Variants in EPB41L4A observed in about 807,000 individuals in gnomAD.
The protein encoded by EPB41L4A is erythrocyte membrane protein band 4.1 like 4A.
In EPB41L4A, 100 loss-of-function variants were observed where a neutral mutation model predicts 108.6. The observed-to-expected ratio is 0.92, with a 90% CI of 0.78 to 1.09. EPB41L4A has a LOEUF of 1.09. Ranked by LOEUF, EPB41L4A falls within the 50% of genes least tolerant of loss-of-function variation. EPB41L4A has a pLI of 0.00. For missense variants in EPB41L4A, 1,030 were observed against 842.7 expected (o/e 1.22, Z -2.75); for synonymous variants, 319 against 289.0 (o/e 1.10, Z -1.05).
intron 2 of EPB41L4A, among the ~76,000 whole-genome samples, chr5:112,283,026 T>C (rs1328459635): frequency 2.0e-5 from 3 of 152,206 alleles, no homozygotes; most frequent in African/African-American, 7.2e-5. Context: ...CTGGTTAATC[T>C]ATCAAAAATT....
At chr5:112,317,259 C>T (rs905939781) in intron 1 of EPB41L4A, among the ~76,000 whole-genome samples, 2 of 152,136 alleles carry the variant, frequency 1.3e-5, no homozygotes, top group African/African-American at 4.8e-5. Flanking sequence ...GAAAGAATGA[C>T]AGTAAATCAT....
At chr5:112,265,114 ATG>A in intron 5 of EPB41L4A, 98 bp from the exon 6 acceptor site, 1 of 1,111,420 alleles carries the variant, frequency 9.0e-7, no homozygotes, top group East Asian at 2.6e-5. Context: ...ATTTTTTCAA[ATG>A]TCTTACTAAA....
At chr5:112,327,019 T>C (rs1756210859) in intron 1 of EPB41L4A, among the ~76,000 whole-genome samples, 1 of 152,206 alleles carries the variant, frequency 6.6e-6, no homozygotes, top group Non-Finnish European at 1.5e-5. Context: ...AGGTACTAAA[T>C]CTTACAAACC....
At chr5:112,313,210 G>C (rs553599887) in intron 1 of EPB41L4A, among the ~76,000 whole-genome samples, 2 of 152,276 alleles carry the variant, frequency 1.3e-5, no homozygotes, top group South Asian at 4.1e-4. Flanking sequence ...AGAAGCCCTA[G>C]GGCTATGAAG....
In EPB41L4A at chr5:112,337,407, T is replaced by A. The variant is rs73231348; in HGVS notation, c.100-29917A>T. Among the ~76,000 whole-genome samples the A allele has an allele frequency of 9.3e-3, 1,413 of 152,320 alleles. 26 individuals carry two copies. The highest frequency in any genetic ancestry group is 0.032 in the African/African-American group (1,337 of 41,566). ...AACCACCGTGTTAAGCACTGTTTTATCAGTAATGCTACTAATAATTGCTAA... is the reference window on the plus strand; with the variant it reads ...AACCACCGTGTTAAGCACTGTTTTAACAGTAATGCTACTAATAATTGCTAA... On this transcript the variant is annotated intron_variant, in intron 1 of 22. Coordinates refer to ENST00000261486, the MANE Select transcript of EPB41L4A (RefSeq NM_022140.5).
intron 1 of EPB41L4A, among the ~76,000 whole-genome samples, chr5:112,356,254 C>T (rs780712009): frequency 5.9e-5 from 9 of 152,124 alleles, no homozygotes; most frequent in East Asian, 5.8e-4. Context: ...CTCCCTACCA[C>T]AACAGAAAAC....
At chr5:112,229,698 C>T (rs1166870308) in intron 12 of EPB41L4A, among the ~76,000 whole-genome samples, 7 of 152,100 alleles carry the variant, frequency 4.6e-5, no homozygotes, top group Admixed American at 3.9e-4. Flanking sequence ...CTTAGAGTAA[C>T]GGTCTCCAGG....
rs895260534 is a variant in EPB41L4A, at chr5:112,266,315, C to T, written c.351G>A (p.Leu117=). ...CCTGAAGGACATCTTGCTTCACCTG[C>T]AAGAAAAACTGATATCTAAAAGAGA... ...KEEITRYQFF[L]QVKQDVLQGR... The change falls in exon 5 of 23, where the codon TTG becomes TTA. Residue 117 remains leucine, a synonymous_variant. Transcript: ENST00000261486. 1.9e-6 allele frequency: 3 copies of T among 1,601,732 alleles called. No homozygotes were observed. The highest frequency in any genetic ancestry group is 2.6e-6 in the Non-Finnish European group (3 of 1,174,204).
At chr5:112,326,827 A>T (rs1031036884) in intron 1 of EPB41L4A, among the ~76,000 whole-genome samples, 2 of 152,186 alleles carry the variant, frequency 1.3e-5, no homozygotes, top group Non-Finnish European at 2.9e-5. Context: ...TAACTTCTAC[A>T]TTCAATCAAA....
chr5:112,292,144 A>G (rs1360107678), intron 2 of EPB41L4A, among the ~76,000 whole-genome samples: 1 of 152,208 alleles, frequency 6.6e-6, no homozygotes, highest in Non-Finnish European at 1.5e-5. Flanking sequence ...CCTTGAGACC[A>G]GAGACCTTGG....
chr5:112,183,091 A>G (rs571713766), intron 18 of EPB41L4A, among the ~76,000 whole-genome samples: 2 of 152,248 alleles, frequency 1.3e-5, no homozygotes, highest in East Asian at 3.9e-4. Flanking sequence ...CACAGTAAAA[A>G]GAGTCCTGGT....
chr5:112,399,755 C>T (rs1047278355), intron 1 of EPB41L4A, among the ~76,000 whole-genome samples: 1 of 152,208 alleles, frequency 6.6e-6, no homozygotes, highest in Non-Finnish European at 1.5e-5. Flanking sequence ...GGCCCTTCAC[C>T]TACCTAGTAA....
intron 1 of EPB41L4A, among the ~76,000 whole-genome samples, chr5:112,352,832 G>C (rs1758130580): frequency 6.6e-6 from 1 of 152,114 alleles, no homozygotes; most frequent in African/African-American, 2.4e-5. Context: ...ATTTTCATAG[G>C]AATCTGTTGT....
chr5:112,204,249 A>C, intron 15 of EPB41L4A, 126 bp downstream of exon 15: 2 of 618,640 alleles, frequency 3.2e-6, no homozygotes, highest in Admixed American at 2.4e-5. Flanking sequence ...TGTCAAAAAG[A>C]GTAAGCTGCT....
At chr5:112,355,136 A>G (rs916252525) in intron 1 of EPB41L4A, among the ~76,000 whole-genome samples, 1 of 152,226 alleles carries the variant, frequency 6.6e-6, no homozygotes, top group African/African-American at 2.4e-5. Flanking sequence ...CTCAAATTTC[A>G]TTTGTCACTA....
intron 2 of EPB41L4A, among the ~76,000 whole-genome samples, chr5:112,289,113 A>T (rs552165105): frequency 1.3e-5 from 2 of 152,308 alleles, no homozygotes; most frequent in African/African-American, 4.8e-5. Context: ...TCCCCTTTAA[A>T]TGTTACCTGA....
intron 1 of EPB41L4A, among the ~76,000 whole-genome samples, chr5:112,350,990 T>C (rs1475298673): frequency 2.0e-5 from 3 of 152,184 alleles, no homozygotes; most frequent in Non-Finnish European, 2.9e-5. Flanking sequence ...TGGATAAATA[T>C]CCAGTAGTGG....
chr5:112,394,936 C>T (rs1373740408), intron 1 of EPB41L4A, among the ~76,000 whole-genome samples: 1 of 152,140 alleles, frequency 6.6e-6, no homozygotes, highest in Non-Finnish European at 1.5e-5. Context: ...TCAGAAATAA[C>T]ACCACACATC....
intron 12 of EPB41L4A, among the ~76,000 whole-genome samples, chr5:112,226,038 T>A (rs955871742): frequency 4.6e-5 from 7 of 152,186 alleles, no homozygotes; most frequent in African/African-American, 1.7e-4. Context: ...TTTGGTGGGC[T>A]CCTCATGGGG....
Sources: gnomAD v4.1 joint callset for allele counts (sites outside exome capture counted in the v4.1 genomes callset) on GRCh38, gnomAD v4.1.1 for gene constraint, MANE v1.5 for transcripts, NCBI Gene and HGNC (gene_info 2026-07-23, HGNC 2026-07-21) for gene names.